Variants in RGS10 observed in about 807,000 individuals in gnomAD.
RGS10 encodes the protein regulator of G-protein signalling 10.
Under a neutral mutation model 23.5 loss-of-function variants are expected in RGS10, and 11 were observed. The ratio of observed to expected loss-of-function variants is 0.47; its 90% confidence interval spans 0.29 to 0.77. The LOEUF is 0.77. RGS10 is among the 30% of genes least tolerant of loss of function. The pLI is 0.08. For missense variants in RGS10, 180 were observed against 226.3 expected (o/e 0.80, Z 1.31); for synonymous variants, 77 against 83.2 (o/e 0.92, Z 0.41).
intron 3 of RGS10, among the ~76,000 whole-genome samples, chr10:119,521,585 A>AAAGG (rs1291472975): frequency 2.1e-5 from 3 of 145,440 alleles, no homozygotes; most frequent in Admixed American, 1.4e-4. Context: ...AAAAAGAAAG[A>AAAGG]AAGGAAGGAA....
At chr10:119,514,258 G>A (rs1444517679) in intron 4 of RGS10, among the ~76,000 whole-genome samples, 3 of 152,206 alleles carry the variant, frequency 2.0e-5, no homozygotes, top group Admixed American at 1.3e-4. Flanking sequence ...TAGGGAGGCT[G>A]AGGCAGGAGA....
Position 119,527,346 on chromosome 10 carries a change from T to A in RGS10, c.128A>T (p.Glu43Val). 6.2e-7 allele frequency: 1 copy of A among 1,614,188 alleles called. No homozygotes were observed. The highest frequency in any genetic ancestry group is 8.5e-7 in the Non-Finnish European group (1 of 1,180,016). Residue 43 changes from glutamate to valine, a missense_variant, in exon 2 of 5, where the codon GAG becomes GTG. Glu to Val is a moderately radical substitution (Grantham distance 121). Transcript: ENST00000369103. The surrounding 1 kb of genome is among the most constrained non-coding windows in gnomAD (Gnocchi z 4.2). ...KSTAKWAASL[E>V]NLLEDPEGVK... Reference sequence around the variant, plus strand: ...GCCTTCTGGGTCTTCCAGCAGATTCTCCAGGGATGCCGCCCATTTGGCTGT... The same window carrying A: ...GCCTTCTGGGTCTTCCAGCAGATTCACCAGGGATGCCGCCCATTTGGCTGT...
At chr10:119,503,297 G>A (rs993659103) in intron 4 of RGS10, among the ~76,000 whole-genome samples, 2 of 149,994 alleles carry the variant, frequency 1.3e-5, no homozygotes, top group Non-Finnish European at 3.0e-5. Flanking sequence ...CTAAGATCAC[G>A]CCACTGCACT....
intron 1 of RGS10, among the ~76,000 whole-genome samples, chr10:119,537,166 G>A (rs1267129088): frequency 6.6e-6 from 1 of 152,134 alleles, no homozygotes; most frequent in East Asian, 1.9e-4. Context: ...GCCGAGGCGG[G>A]CAGATCACCT....
At chr10:119,523,764 G>A (rs1844243936) in intron 3 of RGS10, among the ~76,000 whole-genome samples, 1 of 152,184 alleles carries the variant, frequency 6.6e-6, no homozygotes, top group Non-Finnish European at 1.5e-5. Flanking sequence ...ACAGGGCAGG[G>A]CAACCCAACA....
chr10:119,506,162 C>T (rs373388286), intron 4 of RGS10, among the ~76,000 whole-genome samples: 1 of 152,162 alleles, frequency 6.6e-6, no homozygotes, highest in Non-Finnish European at 1.5e-5. Context: ...TGGGCATTGA[C>T]GAGGCTGTCG....
chr10:119,510,060 C>T (rs372239453), intron 4 of RGS10, among the ~76,000 whole-genome samples: 14 of 152,084 alleles, frequency 9.2e-5, no homozygotes, highest in Non-Finnish European at 2.1e-4. Context: ...TTTCTAATAA[C>T]GGAGCTGGCT....
At chr10:119,539,949 T>C (rs1169526747) in intron 1 of RGS10, among the ~76,000 whole-genome samples, 1 of 93,238 alleles carries the variant, frequency 1.1e-5, no homozygotes, top group East Asian at 2.9e-4. Context: ...AGAAAAATAA[T>C]TCAAAATTAC....
intron 4 of RGS10, among the ~76,000 whole-genome samples, chr10:119,503,049 G>A (rs1478765936): frequency 2.0e-5 from 3 of 152,170 alleles, no homozygotes; most frequent in African/African-American, 7.2e-5. Context: ...GGTGCTCCTG[G>A]GACGGGGCTC....
chr10:119,512,675 G>T (rs1180975490), intron 4 of RGS10, among the ~76,000 whole-genome samples: 3 of 152,110 alleles, frequency 2.0e-5, no homozygotes, highest in Non-Finnish European at 4.4e-5. Flanking sequence ...AGCCTCCCGA[G>T]TAACTGGGAT....
At chr10:119,530,814 C>T (rs1161842864) in intron 1 of RGS10, among the ~76,000 whole-genome samples, 1 of 152,206 alleles carries the variant, frequency 6.6e-6, no homozygotes, top group East Asian at 1.9e-4. Flanking sequence ...GACAGCAAGA[C>T]CCTGTCTCAA....
At chr10:119,521,679 A>T (rs1214229377) in intron 3 of RGS10, among the ~76,000 whole-genome samples, 1 of 150,022 alleles carries the variant, frequency 6.7e-6, no homozygotes, top group Non-Finnish European at 1.5e-5. Context: ...GGAAAAATAG[A>T]AAAGAAAATA....
At chr10:119,534,601 A>G (rs1003540604) in intron 1 of RGS10, among the ~76,000 whole-genome samples, 1 of 144,044 alleles carries the variant, frequency 6.9e-6, no homozygotes, top group Non-Finnish European at 1.5e-5. Context: ...AAAAAAAAAA[A>G]AAAAAAAAGG....
chr10:119,539,769 TC>T (rs1326161554), intron 1 of RGS10, among the ~76,000 whole-genome samples: 3 of 151,944 alleles, frequency 2.0e-5, no homozygotes, highest in Non-Finnish European at 4.4e-5. Context: ...CTCAAAATCC[TC>T]CGCGGAAAGA....
Position 119,527,173 on chromosome 10 carries a change from G to T in RGS10, c.168+133C>A. On this transcript the variant is annotated intron_variant, in intron 2 of 4. Transcript: ENST00000369103. The surrounding 1 kb of genome is among the most constrained non-coding windows in gnomAD (Gnocchi z 4.2). ...TCTCACCCTCAAGCTGGGATAGACA[G>T]TACTGAACTCTCAAGCTGGCATAGA... The T allele has an allele frequency of 1.6e-6, 1 of 638,870 alleles. No individual in the cohort carries two copies. The highest frequency in any genetic ancestry group is 2.8e-6 in the Non-Finnish European group (1 of 358,810). 39.6% of individuals were successfully genotyped at this position (638,870 alleles called of 1,614,324 possible). A position where few individuals can be genotyped will look rare whatever the true frequency, so the allele number is the denominator to read the frequency against.
rs1396427149 is a variant in RGS10 at position 119,517,074 on chromosome 10, G to A, written c.256-1422C>T. ...ACTGGGGCTCCGCATGTGCTGTGGG[G>A]CTTGGTTTGGGAAATCCCAAGCTCT... On this transcript the variant is annotated intron_variant, in intron 3 of 4. Transcript: ENST00000369103. The surrounding 1 kb of genome is among the most constrained non-coding windows in gnomAD (Gnocchi z 5.0). 6.6e-6 allele frequency among the ~76,000 whole-genome samples: 1 copy of A among 152,244 alleles called. No individual in the cohort carries two copies. Among genetic ancestry groups the A allele is most frequent in the Non-Finnish European group, 1.5e-5 (1 of 68,036 alleles).
At chr10:119,530,150 T>A (rs1453287481) in intron 1 of RGS10, among the ~76,000 whole-genome samples, 5 of 152,196 alleles carry the variant, frequency 3.3e-5, no homozygotes, top group African/African-American at 9.7e-5. Flanking sequence ...TATATTTTTT[T>A]AAATAAAGTC....
At chr10:119,534,011 T>C (rs1051443855) in intron 1 of RGS10, among the ~76,000 whole-genome samples, 2 of 152,086 alleles carry the variant, frequency 1.3e-5, no homozygotes, top group African/African-American at 2.4e-5. Context: ...TCCCAGCACT[T>C]TGGGAGGCCG....
intron 3 of RGS10, among the ~76,000 whole-genome samples, chr10:119,525,369 C>G (rs1016235165): frequency 6.6e-6 from 1 of 152,200 alleles, no homozygotes; most frequent in Non-Finnish European, 1.5e-5. Flanking sequence ...TCCCTCCAGC[C>G]TCACACCAGG....
Sources: gnomAD v4.1 joint callset for allele counts (sites outside exome capture counted in the v4.1 genomes callset) on GRCh38, gnomAD v4.1.1 for gene constraint, Gnocchi (gnomAD v3.1) non-coding constraint, MANE v1.5 for transcripts, NCBI Gene and HGNC (gene_info 2026-07-23, HGNC 2026-07-21) for gene names.